The following HMGCS1 variants were observed in gnomAD, a reference collection of about 807,000 sequenced individuals.
HMGCS1 encodes the protein hydroxymethylglutaryl-CoA synthase, cytoplasmic.
HMGCS1 carries 9 observed loss-of-function variants against 52.3 expected under a neutral mutation model. The ratio of observed to expected loss-of-function variants is 0.17; its 90% CI spans 0.10 to 0.30. HMGCS1 has a LOEUF of 0.30. Ranked by LOEUF, HMGCS1 falls within the 10% of genes least tolerant of loss-of-function variation. The pLI is 1.00. For synonymous variants in HMGCS1, 176 were observed against 214.4 expected (o/e 0.82, Z 1.57); for missense variants, 320 against 620.9 (o/e 0.52, Z 5.15).
intron 2 of HMGCS1, among the ~76,000 whole-genome samples, chr5:43,303,196 CT>C (rs1754402351): frequency 6.6e-6 from 1 of 152,160 alleles, no homozygotes; most frequent in East Asian, 1.9e-4. Flanking sequence ...AAATATCTGC[CT>C]GAATTATGGA....
Position 43,299,673 on chromosome 5 carries a change from A to AAATC in HMGCS1, c.-10-702_-10-699dup, listed in dbSNP as rs3086309. ...TCAAAAAAAAAAAAAGAAAAAGTAA[A>AAATC]AATCAATCAATCAATCAATCAATCA... On this transcript the variant is annotated intron_variant, in intron 2 of 10. Coordinates refer to ENST00000325110, the MANE Select transcript of HMGCS1 (RefSeq NM_001098272.3). Among the ~76,000 whole-genome samples, 344 of 149,014 alleles carry AAATC rather than the reference A, an allele frequency of 2.3e-3. 3 individuals carry two copies. The highest frequency in any genetic ancestry group is 7.2e-3 in the African/African-American group (289 of 40,332).
At chr5:43,297,980 A>C in intron 4 of HMGCS1, 29 bp downstream of exon 4, 1 of 1,605,056 alleles carries the variant, frequency 6.2e-7, no homozygotes, top group Non-Finnish European at 8.5e-7. Context: ...TGTGCTAAAA[A>C]AAACAAAAAT....
At chr5:43,311,908 C>G (rs1344732659) in intron 1 of HMGCS1, among the ~76,000 whole-genome samples, 1 of 152,184 alleles carries the variant, frequency 6.6e-6, no homozygotes, top group Non-Finnish European at 1.5e-5. Flanking sequence ...TAAAGTAGAA[C>G]CGAATAAAGG....
rs1224567817 is a variant in HMGCS1 at position 43,291,079 on chromosome 5, A to ACCCCCC, written c.*51_*52insGGGGGG. ...ATCCCATTCCTCCAACTGTTCCCAT[A>ACCCCCC]CCCCCACCCCATGCCCACCCCACCC... On this transcript the variant is annotated 3_prime_UTR_variant, in exon 11 of 11. Transcript: ENST00000325110. The ACCCCCC allele has an allele frequency of 1.8e-5, 14 of 780,072 alleles. No homozygotes were observed. Among genetic ancestry groups the ACCCCCC allele is most frequent in the Non-Finnish European group, 1.9e-5 (8 of 430,596 alleles). The allele number at this position is 780,072 out of a possible 1,614,324, so 48.3% of individuals were successfully genotyped here.
chr5:43,300,360 G>A (rs191417633), intron 2 of HMGCS1, among the ~76,000 whole-genome samples: 1 of 152,278 alleles, frequency 6.6e-6, no homozygotes, highest in Admixed American at 6.5e-5. Flanking sequence ...AAGGTCTTGG[G>A]TTATGAGTTA....
intron 7 of HMGCS1, 96 bp from the exon 8 acceptor site, chr5:43,294,258 GT>G (rs2111644723): frequency 4.6e-6 from 1 of 215,616 alleles, no homozygotes; most frequent in South Asian, 4.6e-5. Flanking sequence ...TAGGCTATAA[GT>G]AAAAGTAGAA....
chr5:43,305,736 C>T (rs576199913), intron 2 of HMGCS1, among the ~76,000 whole-genome samples: 4 of 144,088 alleles, frequency 2.8e-5, no homozygotes, highest in Admixed American at 1.4e-4. Context: ...GAGCCAAGAT[C>T]GTGCCACTGC....
rs186688579 is a variant in HMGCS1, at chr5:43,289,511, A to G, written c.*1620T>C. 29 of 152,690 alleles carry G rather than the reference A, an allele frequency of 1.9e-4. No individual in the cohort carries two copies. Among genetic ancestry groups the G allele is most frequent in the African/African-American group, 7.0e-4 (29 of 41,566 alleles). 9.5% of individuals were successfully genotyped at this position (152,690 alleles called of 1,614,324 possible). A position where few individuals can be genotyped will look rare whatever the true frequency, so the allele number is the denominator to read the frequency against. Reference sequence around the variant, plus strand: ...TGCCCATTGCCGGCAATGGACTTTGAGAAAACCCATTTCCTGGCACCCAAA... The same window carrying G: ...TGCCCATTGCCGGCAATGGACTTTGGGAAAACCCATTTCCTGGCACCCAAA... On this transcript the variant is annotated 3_prime_UTR_variant, in exon 11 of 11. Transcript: ENST00000325110.
At position 43,297,078 on chromosome 5, in the gene HMGCS1, G is replaced by A; in HGVS notation, c.663C>T (p.Ser221=). The A allele has an allele frequency of 6.2e-7, 1 of 1,613,354 alleles. No individual in the cohort carries two copies. Among genetic ancestry groups the A allele is most frequent in the Non-Finnish European group, 8.5e-7 (1 of 1,179,320 alleles). The change falls in exon 5 of 11, where the codon TCC becomes TCT. Residue 221 remains serine, a synonymous_variant. Transcript: ENST00000325110. ...CTAATGCACTGAGGTAGCACTGTAT[G>A]GAGAGTTTTCCATCTACTATAGGAT... ...SEYPIVDGKL[S]IQCYLSALDR...
chr5:43,305,828 T>A (rs1000927854), intron 2 of HMGCS1, among the ~76,000 whole-genome samples: 5 of 147,554 alleles, frequency 3.4e-5, no homozygotes, highest in Non-Finnish European at 7.6e-5. Flanking sequence ...AAGAGATAAA[T>A]CACAAAAACT....
intron 2 of HMGCS1, among the ~76,000 whole-genome samples, chr5:43,304,300 T>C (rs9292871): frequency 0.56 from 85,448 of 152,134 alleles, 24,556 homozygotes; most frequent in Middle Eastern, 0.72. Context: ...CTGCTTTAAA[T>C]ATGCTGAAGA....
At position 43,291,302 on chromosome 5, in the gene HMGCS1, A is replaced by G. The variant is rs1392136747; in HGVS notation, c.1474-82T>C. 6.9e-6 allele frequency: 6 copies of G among 866,632 alleles called. No homozygotes were observed. In the African/African-American group the frequency reaches 1.0e-4, roughly 14 times the overall value. The allele number at this position is 866,632 out of a possible 1,614,324, so 53.7% of individuals were successfully genotyped here. A position where few individuals can be genotyped will look rare whatever the true frequency, so the allele number is the denominator to read the frequency against. On this transcript the variant is annotated intron_variant, in intron 10 of 10. Transcript: ENST00000325110. ...ATGGCACCAATTAAAGTTTCTGTAA[A>G]GAAACTTAATAAAGGACAACTCTGG...
Position 43,287,505 on chromosome 5 carries a change from G to C in HMGCS1, c.*3626C>G, listed in dbSNP as rs1243654931. 6.6e-6 allele frequency: 1 copy of C among 152,184 alleles called. No homozygotes were observed. The highest frequency in any genetic ancestry group is 1.9e-4 in the East Asian group (1 of 5,194). 9.4% of individuals were successfully genotyped at this position (152,184 alleles called of 1,614,324 possible). A position where few individuals can be genotyped will look rare whatever the true frequency, so the allele number is the denominator to read the frequency against. Reference sequence around the variant, plus strand: ...GTCATTTATTTGAGAAGCGATCCCAGGATGCAAGAGAGATGCACAGGAGTG... The same window carrying C: ...GTCATTTATTTGAGAAGCGATCCCACGATGCAAGAGAGATGCACAGGAGTG... On this transcript the variant is annotated 3_prime_UTR_variant, in exon 11 of 11. Transcript: ENST00000325110.
At chr5:43,302,491 C>G (rs1754368966) in intron 2 of HMGCS1, among the ~76,000 whole-genome samples, 1 of 152,208 alleles carries the variant, frequency 6.6e-6, no homozygotes, top group Non-Finnish European at 1.5e-5. Flanking sequence ...TCTACATCAT[C>G]ATACTTCGTC....
chr5:43,306,192 A>C (rs973363765), intron 2 of HMGCS1, among the ~76,000 whole-genome samples: 1 of 152,232 alleles, frequency 6.6e-6, no homozygotes, highest in Non-Finnish European at 1.5e-5. Context: ...TCAGTAAAGC[A>C]AGATAAGGAA....
intron 7 of HMGCS1, 21 bp from the exon 8 acceptor site, chr5:43,294,183 G>A: frequency 1.4e-6 from 2 of 1,455,638 alleles, no homozygotes; most frequent in Non-Finnish European, 1.9e-6. Context: ...TGTAACAATA[G>A]TTCAGAAGTT....
At chr5:43,291,987 C>CTTTTT (rs537398917) in intron 10 of HMGCS1, among the ~76,000 whole-genome samples, 68 of 83,118 alleles carry the variant, frequency 8.2e-4, no homozygotes, top group Non-Finnish European at 9.7e-4. Flanking sequence ...ACTGTATATT[C>CTTTTT]TTTTTTTTTT....
chr5:43,307,211 C>T (rs1182868711), intron 2 of HMGCS1, among the ~76,000 whole-genome samples: 2 of 151,918 alleles, frequency 1.3e-5, no homozygotes, highest in Non-Finnish European at 2.9e-5. Flanking sequence ...GCTTGACTTA[C>T]AGGCACCTGC....
chr5:43,298,411 G>A lies in HMGCS1; in HGVS notation c.448+107C>T. On this transcript the variant is annotated intron_variant, in intron 3 of 10. Coordinates refer to ENST00000325110, the MANE Select transcript of HMGCS1 (RefSeq NM_001098272.3). The surrounding 1 kb of genome is among the most constrained non-coding windows in gnomAD (Gnocchi z 5.6). ...ATCTTTCTTAATATATCCAAACAAGGACAAATTACAAAAGTTTGCGTATTG... is the reference window on the plus strand; with the variant it reads ...ATCTTTCTTAATATATCCAAACAAGAACAAATTACAAAAGTTTGCGTATTG... 1 of 802,326 alleles carries A rather than the reference G, an allele frequency of 1.2e-6. No homozygotes were observed. Among genetic ancestry groups the A allele is most frequent in the South Asian group, 1.8e-5 (1 of 56,814 alleles). 49.7% of individuals were successfully genotyped at this position (802,326 alleles called of 1,614,324 possible).
Sources: gnomAD v4.1 joint callset for allele counts (sites outside exome capture counted in the v4.1 genomes callset) on GRCh38, gnomAD v4.1.1 for gene constraint, Gnocchi (gnomAD v3.1) non-coding constraint, MANE v1.5 for transcripts, NCBI Gene and HGNC (gene_info 2026-07-23, HGNC 2026-07-21) for gene names.